MTSS1: variants seen among roughly 807,000 people sequenced by gnomAD.
The protein encoded by MTSS1 is MTSS I-BAR domain containing 1.
MTSS1 carries 18 observed loss-of-function variants against 79.0 expected under a neutral mutation model. That is an observed-to-expected ratio of 0.23 (90% CI 0.16 to 0.34). MTSS1 has a LOEUF of 0.34. Among genes scored for constraint, MTSS1 ranks in the 10% least tolerant of loss-of-function variants. The pLI, the probability that MTSS1 is intolerant of heterozygous loss-of-function variation, is 1.00. For synonymous variants in MTSS1, 341 were observed against 368.6 expected (o/e 0.93, Z 0.86); for missense variants, 815 against 986.2 (o/e 0.83, Z 2.33).
At chr8:124,687,474 T>A (rs1397431334) in intron 3 of MTSS1, among the ~76,000 whole-genome samples, 2 of 152,176 alleles carry the variant, frequency 1.3e-5, no homozygotes, top group Admixed American at 1.3e-4. Flanking sequence ...CGTGCTTAAG[T>A]GGCAAATCAA....
intron 6 of MTSS1, among the ~76,000 whole-genome samples, chr8:124,573,840 T>C (rs1172843150): frequency 6.6e-6 from 1 of 152,212 alleles, no homozygotes; most frequent in African/African-American, 2.4e-5. Flanking sequence ...GTCTTGTGTA[T>C]TCACGCTGGG....
intron 3 of MTSS1, among the ~76,000 whole-genome samples, chr8:124,606,336 A>T (rs1480503531): frequency 6.6e-6 from 1 of 151,540 alleles, no homozygotes; most frequent in Non-Finnish European, 1.5e-5. Flanking sequence ...TTTAGTAGAG[A>T]CGGGGTTTCA....
chr8:124,627,037 T>G (rs529607429), intron 3 of MTSS1, among the ~76,000 whole-genome samples: 1 of 151,994 alleles, frequency 6.6e-6, no homozygotes, highest in African/African-American at 2.4e-5. Flanking sequence ...CTGTGCACAT[T>G]CCCATTTAGC....
chr8:124,664,739 G>A (rs1320269890), intron 3 of MTSS1, among the ~76,000 whole-genome samples: 1 of 152,128 alleles, frequency 6.6e-6, no homozygotes, highest in Non-Finnish European at 1.5e-5. Context: ...AGTTGCTTCA[G>A]CCTCCAGGCC....
At chr8:124,583,191 C>G (rs1029706199) in intron 6 of MTSS1, among the ~76,000 whole-genome samples, 12 of 152,148 alleles carry the variant, frequency 7.9e-5, no homozygotes, top group Non-Finnish European at 1.8e-4. Context: ...AAGACAGATG[C>G]TTCAGAAACC....
chr8:124,566,659 C>T (rs143308840), intron 8 of MTSS1, among the ~76,000 whole-genome samples: 6 of 152,278 alleles, frequency 3.9e-5, no homozygotes, highest in Non-Finnish European at 7.4e-5. Context: ...AACACACCAG[C>T]GACGTGTTCT....
chr8:124,699,416 G>C, intron 3 of MTSS1, 110 bp downstream of exon 3: 1 of 921,946 alleles, frequency 1.1e-6, no homozygotes, highest in South Asian at 1.6e-5. Context: ...GAAAATACGA[G>C]TCAGCTCAGC....
chr8:124,685,026 G>C (rs1826730327), intron 3 of MTSS1, among the ~76,000 whole-genome samples: 2 of 152,118 alleles, frequency 1.3e-5, no homozygotes. Context: ...TGAGATTTTT[G>C]TGTGTTTTTC....
intron 2 of MTSS1, among the ~76,000 whole-genome samples, chr8:124,700,081 G>A (rs570966511): frequency 6.6e-6 from 1 of 152,022 alleles, no homozygotes; most frequent in African/African-American, 2.4e-5. Flanking sequence ...AGAGGTTGCG[G>A]TGAGCCAAGA....
intron 6 of MTSS1, among the ~76,000 whole-genome samples, chr8:124,575,055 G>T (rs910467856): frequency 6.6e-6 from 1 of 152,044 alleles, no homozygotes; most frequent in Non-Finnish European, 1.5e-5. Context: ...TGAAACATGG[G>T]ATATAAATAC....
chr8:124,612,573 AATGTGTGTGTGT>A (rs1449070606), intron 3 of MTSS1, among the ~76,000 whole-genome samples: 4 of 119,750 alleles, frequency 3.3e-5, no homozygotes, highest in African/African-American at 1.2e-4. Flanking sequence ...CCAAGTTTAA[AATGTGTGTGTGT>A]GTGTGTGTGT....
chr8:124,556,716 C>A (rs1485916189), intron 11 of MTSS1: 5 of 393,556 alleles, frequency 1.3e-5, no homozygotes, highest in Non-Finnish European at 2.3e-5. Flanking sequence ...AGGGGACCCA[C>A]CAGTGGGCAG....
chr8:124,559,883 T>C (rs1281428801), intron 10 of MTSS1, among the ~76,000 whole-genome samples: 2 of 152,224 alleles, frequency 1.3e-5, no homozygotes, highest in Admixed American at 6.5e-5. Flanking sequence ...CTCCTCTCTA[T>C]TGTAATTTAT....
intron 6 of MTSS1, chr8:124,580,207 G>A (rs761395575): frequency 2.0e-4 from 48 of 235,652 alleles, no homozygotes; most frequent in Middle Eastern, 1.5e-3. Context: ...ACATACATAC[G>A]CAGGTATATA....
intron 1 of MTSS1, among the ~76,000 whole-genome samples, chr8:124,719,594 C>G (rs890643206): frequency 6.6e-6 from 1 of 152,226 alleles, no homozygotes; most frequent in African/African-American, 2.4e-5. Flanking sequence ...CCAGCAGCAC[C>G]TGACATGCAG....
chr8:124,694,863 T>C (rs1396611089), intron 3 of MTSS1, among the ~76,000 whole-genome samples: 1 of 152,206 alleles, frequency 6.6e-6, no homozygotes, highest in East Asian at 1.9e-4. Context: ...CAGAAAATCG[T>C]ACTTTCATAT....
intron 3 of MTSS1, among the ~76,000 whole-genome samples, chr8:124,695,335 T>TA (rs33998723): frequency 0.095 from 13,675 of 144,668 alleles, 1,102 homozygotes; most frequent in African/African-American, 0.23. Context: ...TCAAGAGGGA[T>TA]AAAAAAAAAA....
rs183506320 is a variant in MTSS1 at position 124,573,949 on chromosome 8, G to C, written c.461-5413C>G. ...GAAAATGTTCCTGGGGCAAAGCATT[G>C]TGAATGCACCATGTCATGGGCCAAG... On this transcript the variant is annotated intron_variant, in intron 6 of 13. Coordinates refer to ENST00000518547, the MANE Select transcript of MTSS1 (RefSeq NM_014751.6). Among the ~76,000 whole-genome samples the C allele has an allele frequency of 1.6e-3, 237 of 152,232 alleles. 4 individuals are homozygous for C. The highest frequency in any genetic ancestry group is 1.5e-4 in the Non-Finnish European group (10 of 68,022).
intron 10 of MTSS1, among the ~76,000 whole-genome samples, chr8:124,559,767 T>C (rs560267672): frequency 3.3e-5 from 5 of 152,300 alleles, no homozygotes; most frequent in Admixed American, 6.5e-5. Context: ...GTCACGTAAG[T>C]TGGGTCTCCT....
Sources: gnomAD v4.1 joint callset for allele counts (sites outside exome capture counted in the v4.1 genomes callset) on GRCh38, gnomAD v4.1.1 for gene constraint, MANE v1.5 for transcripts, NCBI Gene and HGNC (gene_info 2026-07-23, HGNC 2026-07-21) for gene names.